Variants in SOX13 observed in about 807,000 individuals in gnomAD.
The protein encoded by SOX13 is SRY-box transcription factor 13.
SOX13 carries 28 observed loss-of-function variants against 71.8 expected under a neutral mutation model. The ratio of observed to expected loss-of-function variants is 0.39; its 90% CI spans 0.29 to 0.53. The LOEUF is 0.53. Ranked by LOEUF, SOX13 falls within the 20% of genes least tolerant of loss-of-function variation. SOX13 has a pLI of 0.70. For missense variants in SOX13, 627 were observed against 810.3 expected, an observed-to-expected ratio of 0.77 and a Z score of 2.75; for synonymous variants, 309 against 317.8, an observed-to-expected ratio of 0.97 and a Z score of 0.29.
At chr1:204,121,842 A>C in intron 7 of SOX13, 58 bp from the exon 8 acceptor site, 1 of 1,213,980 alleles carries the variant, frequency 8.2e-7, no homozygotes, top group Non-Finnish European at 1.2e-6. Context: ...CTCGTCAAGC[A>C]GGGTGTCTGC....
chr1:204,076,525 G>T (rs992081165), intron 1 of SOX13, among the ~76,000 whole-genome samples: 3 of 152,204 alleles, frequency 2.0e-5, no homozygotes, highest in African/African-American at 7.2e-5. Context: ...TGCAGTTGGA[G>T]GATTTTCTAG....
chr1:204,107,718 T>G (rs6689899), intron 1 of SOX13, among the ~76,000 whole-genome samples: 129,859 of 152,112 alleles, frequency 0.85, 55,780 homozygotes, highest in African/African-American at 0.96. Context: ...AGACCCAGAG[T>G]TGCTCTCCAT....
In SOX13 at chr1:204,123,612, C is replaced by T; in HGVS notation, c.1232-49C>T. ...GTCTCTCTGCTGGCCCTGGGGCACT[C>T]TCCTGACCCCAGACAGGCTGCTTGG... On this transcript the variant is annotated intron_variant, in intron 11 of 13. Transcript: ENST00000367204. This position sits in a 1 kb window ranked among gnomAD's most constrained non-coding sequence, Gnocchi z 5.0. 6.3e-7 allele frequency: 1 copy of T among 1,594,784 alleles called. No homozygotes were observed. The highest frequency in any genetic ancestry group is 8.6e-7 in the Non-Finnish European group (1 of 1,169,476).
chr1:204,105,413 C>CCTTTTTTTTTTTTT (rs1656448433), intron 1 of SOX13, among the ~76,000 whole-genome samples: 1 of 137,964 alleles, frequency 7.2e-6, no homozygotes, highest in African/African-American at 3.1e-5. Context: ...TGTATAATCT[C>CCTTTTTTTTTTTTT]TTTTTTTTTT....
Position 204,113,112 on chromosome 1 carries a change from A to G in SOX13, c.197A>G (p.Gln66Arg). The G allele has an allele frequency of 6.4e-7, 1 of 1,568,068 alleles. No individual in the cohort carries two copies. The highest frequency in any genetic ancestry group is 2.4e-5 in the East Asian group (1 of 42,408). Residue 66 changes from glutamine to arginine, a missense_variant, in exon 2 of 14, where the codon CAG (glutamine) becomes CGG (arginine). Coordinates refer to ENST00000367204, the MANE Select transcript of SOX13 (RefSeq NM_005686.3). ...AGTGCTGACCCCCAAGCTCCAGCCC[A>G]GGGGAATTTCAGGGGCTCCTGGGTC... ...QDSADPQAPAQGNFRGSWDCS... is the reference protein window; with the variant it reads ...QDSADPQAPARGNFRGSWDCS...
At position 204,112,527 on chromosome 1, in the gene SOX13, A is replaced by ACACACACACACACACT. The variant is rs34093119; in HGVS notation, c.-1-387_-1-386insACACACACACACACTC. On this transcript the variant is annotated intron_variant, in intron 1 of 13. Coordinates refer to ENST00000367204, the MANE Select transcript of SOX13 (RefSeq NM_005686.3). ...CACACACACACACACACACACACAC[A>ACACACACACACACACT]CTTTCTCTCTCTCGCTGTCGCTCTC... Among the ~76,000 whole-genome samples the ACACACACACACACACT allele has an allele frequency of 1.1e-3, 165 of 147,896 alleles. 2 individuals carry two copies. In the South Asian group the frequency reaches 0.017, roughly 15 times the overall value.
At chr1:204,092,201 G>GT (rs1430522615) in intron 1 of SOX13, among the ~76,000 whole-genome samples, 4 of 151,636 alleles carry the variant, frequency 2.6e-5, no homozygotes, top group South Asian at 4.2e-4. Context: ...TAATTTTTAA[G>GT]TTTTTTTGTA....
intron 1 of SOX13, among the ~76,000 whole-genome samples, chr1:204,112,697 A>T (rs1337655313): frequency 1.3e-5 from 2 of 152,184 alleles, no homozygotes; most frequent in African/African-American, 4.8e-5. Context: ...TTTTGTTTAA[A>T]AAGCAAAAAA....
At chr1:204,076,912 A>G (rs1214374593) in intron 1 of SOX13, among the ~76,000 whole-genome samples, 1 of 152,246 alleles carries the variant, frequency 6.6e-6, no homozygotes, top group Non-Finnish European at 1.5e-5. Flanking sequence ...CCTGCCTTCA[A>G]AGAGGCTTCT....
intron 1 of SOX13, among the ~76,000 whole-genome samples, chr1:204,088,836 A>C (rs1392838454): frequency 6.6e-6 from 1 of 152,164 alleles, no homozygotes; most frequent in Non-Finnish European, 1.5e-5. Flanking sequence ...GTACCCATTA[A>C]ATGTGAAGTG....
chr1:204,098,154 G>A (rs924696679), intron 1 of SOX13, among the ~76,000 whole-genome samples: 1 of 152,150 alleles, frequency 6.6e-6, no homozygotes, highest in East Asian at 1.9e-4. Flanking sequence ...AGTCACCATC[G>A]CCCAACCTGT....
chr1:204,095,518 C>T (rs893458324), intron 1 of SOX13, among the ~76,000 whole-genome samples: 4 of 152,096 alleles, frequency 2.6e-5, no homozygotes, highest in Non-Finnish European at 4.4e-5. Context: ...CCAAGGCAGC[C>T]GCTCTCCAGC....
chr1:204,079,819 G>A (rs1258144325), intron 1 of SOX13, among the ~76,000 whole-genome samples: 1 of 152,206 alleles, frequency 6.6e-6, no homozygotes, highest in East Asian at 1.9e-4. Flanking sequence ...GTCTCAGATG[G>A]AACAGCAGCA....
chr1:204,075,715 A>C (rs1655774050), intron 1 of SOX13, among the ~76,000 whole-genome samples: 1 of 152,186 alleles, frequency 6.6e-6, no homozygotes, highest in Admixed American at 6.5e-5. Context: ...GACTCTGGGC[A>C]ATTTAACTTA....
chr1:204,074,994 C>A (rs1030532213), intron 1 of SOX13, among the ~76,000 whole-genome samples: 6 of 152,024 alleles, frequency 3.9e-5, no homozygotes, highest in Middle Eastern at 3.2e-3. Context: ...CGGCCAGAGA[C>A]GATGCTGCTG....
chr1:204,086,798 GAT>G (rs1376958600), intron 1 of SOX13, among the ~76,000 whole-genome samples: 2 of 152,234 alleles, frequency 1.3e-5, no homozygotes, highest in African/African-American at 2.4e-5. Flanking sequence ...ATTAGAGAAA[GAT>G]GTGTGTGTGC....
In SOX13 at chr1:204,104,865, G is replaced by A. The variant is rs141776769; in HGVS notation, c.-1-8050G>A. Among the ~76,000 whole-genome samples, 499 of 151,696 alleles carry A rather than the reference G, an allele frequency of 3.3e-3. 2 individuals are homozygous for A. The highest frequency in any genetic ancestry group is 0.012 in the African/African-American group (477 of 40,972). ...TTTTGTAGGGTGGGGGAAGGCTGTC[G>A]TTGTGGAGGGAGGAAGGACTGACAG... is the stretch of plus-strand genomic sequence containing the variant. On this transcript the variant is annotated intron_variant, in intron 1 of 13. Coordinates refer to ENST00000367204, the MANE Select transcript of SOX13 (RefSeq NM_005686.3).
intron 1 of SOX13, among the ~76,000 whole-genome samples, chr1:204,084,625 G>C (rs1655978659): frequency 6.6e-6 from 1 of 152,148 alleles, no homozygotes; most frequent in South Asian, 2.1e-4. Flanking sequence ...CAGGAGGCGA[G>C]AACAGGTGTC....
At chr1:204,079,635 C>T (rs529519860) in intron 1 of SOX13, among the ~76,000 whole-genome samples, 69 of 152,262 alleles carry the variant, frequency 4.5e-4, no homozygotes, top group Admixed American at 2.6e-3. Flanking sequence ...GTGAGAACCA[C>T]CGAGCCTGGC....
Sources: allele counts gnomAD v4.1 joint callset (sites outside exome capture counted in the v4.1 genomes callset), GRCh38; gene constraint gnomAD v4.1.1; non-coding constraint Gnocchi (gnomAD v3.1); transcripts MANE v1.5; gene names NCBI Gene and HGNC (gene_info 2026-07-23, HGNC 2026-07-21).